Variants in DLG2 observed in about 807,000 individuals in gnomAD.
DLG2 encodes the protein discs large MAGUK scaffold protein 2.
In DLG2, 45 loss-of-function variants were observed where a neutral mutation model predicts 132.5. The ratio of observed to expected loss-of-function variants is 0.34; its 90% CI spans 0.27 to 0.44. DLG2 has a LOEUF of 0.44. DLG2 is among the 20% of genes least tolerant of loss of function. The pLI, the probability that DLG2 is intolerant of heterozygous loss-of-function variation, is 1.00. For synonymous variants in DLG2, 424 were observed against 419.6 expected (o/e 1.01, Z -0.13); for missense variants, 1,045 against 1,196.9 (o/e 0.87, Z 1.87).
chr11:84,415,068 C>T (rs569866380), intron 7 of DLG2, among the ~76,000 whole-genome samples: 1 of 152,258 alleles, frequency 6.6e-6, no homozygotes, highest in African/African-American at 2.4e-5. Flanking sequence ...TTTCAATATG[C>T]AAAGCAGAGG....
intron 6 of DLG2, among the ~76,000 whole-genome samples, chr11:84,543,101 G>T (rs1287478165): frequency 6.6e-6 from 1 of 152,126 alleles, no homozygotes; most frequent in Non-Finnish European, 1.5e-5. Context: ...GAAGATAAAG[G>T]AATGTTCAGT....
intron 11 of DLG2, among the ~76,000 whole-genome samples, chr11:84,041,866 G>T (rs1470321616): frequency 6.6e-6 from 1 of 151,798 alleles, no homozygotes. Flanking sequence ...TATGGGGATG[G>T]GTCTTTCCTG....
chr11:84,759,830 C>A (rs17808225), intron 6 of DLG2, among the ~76,000 whole-genome samples: 21,183 of 151,670 alleles, frequency 0.14, 1,589 homozygotes, highest in Admixed American at 0.19. Flanking sequence ...ATAATTATCC[C>A]TTGAAAAAAT....
intron 4 of DLG2, among the ~76,000 whole-genome samples, chr11:85,168,478 T>C (rs916846206): frequency 6.6e-6 from 1 of 151,900 alleles, no homozygotes; most frequent in Non-Finnish European, 1.5e-5. Flanking sequence ...TTGTTAGAAA[T>C]GAAATAGAAA....
chr11:84,327,693 C>T (rs2098439316), intron 7 of DLG2, among the ~76,000 whole-genome samples: 1 of 152,182 alleles, frequency 6.6e-6, no homozygotes. Context: ...CATACAAATA[C>T]TCTACTCTTT....
chr11:85,614,584 A>G (rs1302325716), intron 2 of DLG2, among the ~76,000 whole-genome samples: 3 of 152,310 alleles, frequency 2.0e-5, no homozygotes, highest in Non-Finnish European at 4.4e-5. Context: ...AGGTTGCAGT[A>G]AGCCAAAATG....
At chr11:84,676,028 C>T (rs2099710858) in intron 6 of DLG2, among the ~76,000 whole-genome samples, 1 of 152,046 alleles carries the variant, frequency 6.6e-6, no homozygotes, top group Non-Finnish European at 1.5e-5. Flanking sequence ...CTACTTGAAT[C>T]TCATATAAGA....
At chr11:83,864,056 T>C (rs988382604) in intron 16 of DLG2, among the ~76,000 whole-genome samples, 2 of 152,216 alleles carry the variant, frequency 1.3e-5, no homozygotes, top group Non-Finnish European at 2.9e-5. Context: ...TACTTCCATG[T>C]AGCTCTTACA....
At chr11:85,255,866 T>G (rs1301165862) in intron 4 of DLG2, among the ~76,000 whole-genome samples, 1 of 152,108 alleles carries the variant, frequency 6.6e-6, no homozygotes, top group African/African-American at 2.4e-5. Context: ...GAAAAGAATA[T>G]ATTGCAAATA....
At chr11:85,405,530 G>T (rs1168111161) in intron 3 of DLG2, among the ~76,000 whole-genome samples, 2 of 151,942 alleles carry the variant, frequency 1.3e-5, no homozygotes, top group East Asian at 1.9e-4. Context: ...TTTAAAAACA[G>T]TTAATGTGCA....
chr11:83,851,874 G>A (rs528183347), intron 16 of DLG2, among the ~76,000 whole-genome samples: 13 of 151,596 alleles, frequency 8.6e-5, no homozygotes, highest in South Asian at 4.2e-4. Context: ...AGCCAAGATC[G>A]TGCCACTGAA....
intron 7 of DLG2, among the ~76,000 whole-genome samples, chr11:84,399,085 T>C (rs2154445731): frequency 6.6e-6 from 1 of 152,312 alleles, no homozygotes; most frequent in East Asian, 1.9e-4. Context: ...ATCTTAATTG[T>C]GTCTTTCATG....
intron 5 of DLG2, among the ~76,000 whole-genome samples, chr11:85,128,836 C>A (rs2075411485): frequency 6.6e-6 from 1 of 152,110 alleles, no homozygotes; most frequent in Admixed American, 6.5e-5. Context: ...AATGATCATA[C>A]TGAGGGGTAT....
At chr11:84,370,727 T>C (rs2098702717) in intron 7 of DLG2, among the ~76,000 whole-genome samples, 1 of 152,164 alleles carries the variant, frequency 6.6e-6, no homozygotes, top group South Asian at 2.1e-4. Context: ...TTACCACCTA[T>C]TAGGTCTCTG....
chr11:85,445,158 C>G (rs2091951220), intron 3 of DLG2, among the ~76,000 whole-genome samples: 1 of 152,078 alleles, frequency 6.6e-6, no homozygotes, highest in Non-Finnish European at 1.5e-5. Context: ...TTGAGGAATT[C>G]AATATCTTGA....
intron 7 of DLG2, among the ~76,000 whole-genome samples, chr11:84,526,967 AC>A (rs1260744062): frequency 6.6e-6 from 1 of 151,866 alleles, no homozygotes; most frequent in Non-Finnish European, 1.5e-5. Flanking sequence ...TTTAGTAGAG[AC>A]GGGGTTTCAC....
intron 3 of DLG2, among the ~76,000 whole-genome samples, chr11:85,511,429 T>C (rs987991876): frequency 2.0e-5 from 3 of 151,768 alleles, no homozygotes; most frequent in Non-Finnish European, 1.5e-5. Context: ...AAGAAGACAA[T>C]AGATTTGAGT....
At chr11:83,769,719 A>G (rs938911593) in intron 18 of DLG2, among the ~76,000 whole-genome samples, 2 of 151,880 alleles carry the variant, frequency 1.3e-5, no homozygotes, top group East Asian at 1.9e-4. Flanking sequence ...GCCCACCACT[A>G]CGCCTGGCTA....
chr11:85,267,915 T>C (rs2152728704), intron 4 of DLG2, among the ~76,000 whole-genome samples: 1 of 152,042 alleles, frequency 6.6e-6, no homozygotes, highest in East Asian at 1.9e-4. Flanking sequence ...TGTACGTATG[T>C]GTGTGTTCCT....
Sources: allele counts gnomAD v4.1 joint callset (sites outside exome capture counted in the v4.1 genomes callset), GRCh38; gene constraint gnomAD v4.1.1; transcripts MANE v1.5; gene names NCBI Gene and HGNC (gene_info 2026-07-23, HGNC 2026-07-21).